Variants in AMPH observed in about 807,000 individuals in gnomAD.
AMPH encodes amphiphysin.
In AMPH, 49 loss-of-function variants were observed where a neutral mutation model predicts 99.1. The ratio of observed to expected loss-of-function variants is 0.49; its 90% CI spans 0.39 to 0.63. The LOEUF (loss-of-function observed/expected upper bound fraction) is 0.63, where lower values mean the gene tolerates loss of function less well. Ranked by LOEUF, AMPH falls within the 20% of genes least tolerant of loss-of-function variation. AMPH has a pLI of 0.00. For missense variants in AMPH, 759 were observed against 863.4 expected, an observed-to-expected ratio of 0.88 and a Z score of 1.52; for synonymous variants, 314 against 317.3, an observed-to-expected ratio of 0.99 and a Z score of 0.11.
Position 38,384,739 on chromosome 7 carries a change from T to C in AMPH, c.*79A>G. The C allele has an allele frequency of 8.4e-7, 1 of 1,191,132 alleles. No homozygotes were observed. Among genetic ancestry groups the C allele is most frequent in the Non-Finnish European group, 1.2e-6 (1 of 802,478 alleles). 73.8% of individuals were successfully genotyped at this position (1,191,132 alleles called of 1,614,324 possible). On this transcript the variant is annotated 3_prime_UTR_variant, in exon 21 of 21. Coordinates refer to ENST00000356264, the MANE Select transcript of AMPH (RefSeq NM_001635.4). ...AGTCTGTAAATCATTAAGAGCATAATAACAAAAGTGAACTCTTCAGGTTTT... is the reference window on the plus strand; with the variant it reads ...AGTCTGTAAATCATTAAGAGCATAACAACAAAAGTGAACTCTTCAGGTTTT...
At chr7:38,620,813 CAGAT>C (rs1330587923) in intron 1 of AMPH, among the ~76,000 whole-genome samples, 1 of 151,224 alleles carries the variant, frequency 6.6e-6, no homozygotes, top group African/African-American at 2.5e-5. Context: ...TTTTGGATGA[CAGAT>C]AGTTCAGAGG....
chr7:38,465,873 T>C (rs1584127950), intron 8 of AMPH, among the ~76,000 whole-genome samples: 2 of 152,200 alleles, frequency 1.3e-5, no homozygotes, highest in South Asian at 4.1e-4. Flanking sequence ...GAGTTGATTA[T>C]CTAAATACTT....
In AMPH at chr7:38,559,242, C is replaced by T. The variant is rs146732018; in HGVS notation, c.70-24231G>A. Among the ~76,000 whole-genome samples the T allele has an allele frequency of 2.7e-3, 410 of 152,366 alleles. 6 individuals carry two copies. Among genetic ancestry groups the T allele is most frequent in the African/African-American group, 9.1e-3 (379 of 41,584 alleles). The stretch of plus-strand genomic sequence containing the variant: ...CAGTTACCCAGCCGTATTACTTCAG[C>T]TTCTCTCCTGATTATGGCAACAGCA... On this transcript the variant is annotated intron_variant, in intron 1 of 20. Transcript: ENST00000356264.
chr7:38,575,030 G>T (rs1304092506), intron 1 of AMPH, among the ~76,000 whole-genome samples: 1 of 141,992 alleles, frequency 7.0e-6, no homozygotes, highest in African/African-American at 2.7e-5. Context: ...CTCCAGCCTG[G>T]TGACAGACCG....
intron 11 of AMPH, among the ~76,000 whole-genome samples, chr7:38,438,119 T>C (rs1332723052): frequency 2.0e-5 from 3 of 152,368 alleles, no homozygotes; most frequent in Admixed American, 6.5e-5. Context: ...TTTTAAAATG[T>C]AGTAAACATA....
intron 10 of AMPH, 50 bp downstream of exon 10, chr7:38,462,925 C>G (rs746160588): frequency 1.3e-6 from 2 of 1,503,376 alleles, no homozygotes; most frequent in Non-Finnish European, 1.8e-6. Context: ...ATGGGGCCAC[C>G]TTCATCTCAT....
rs1793619135 is a variant in AMPH, at chr7:38,610,340, AAAGAAAAG to A, written c.69+20935_69+20942del. 1.2e-4 allele frequency among the ~76,000 whole-genome samples: 6 copies of A among 50,270 alleles called. No homozygotes were observed. In the East Asian group the frequency reaches 1.2e-3, roughly 10 times the overall value. The allele number at this position is 50,270 out of a possible 152,430, so 33.0% of individuals were successfully genotyped here. ...AGAAAAGAAAAGAAAAGAAAAAAGA[AAAGAAAAG>A]AAAAGAAAAGAAAAGAAAAGAAAAG... On this transcript the variant is annotated intron_variant, in intron 1 of 20. Transcript: ENST00000356264.
At chr7:38,612,375 CTG>C (rs1793718989) in intron 1 of AMPH, among the ~76,000 whole-genome samples, 1 of 152,040 alleles carries the variant, frequency 6.6e-6, no homozygotes, top group Non-Finnish European at 1.5e-5. Context: ...CGCACCCGGC[CTG>C]TTTTTGTCTT....
At chr7:38,628,447 C>T (rs1181152596) in intron 1 of AMPH, among the ~76,000 whole-genome samples, 4 of 152,160 alleles carry the variant, frequency 2.6e-5, no homozygotes, top group Non-Finnish European at 5.9e-5. Flanking sequence ...ATTCTCCCTA[C>T]AAATTTGCTC....
At chr7:38,454,273 T>A (rs1452579123) in intron 11 of AMPH, among the ~76,000 whole-genome samples, 2 of 152,210 alleles carry the variant, frequency 1.3e-5, no homozygotes, top group Non-Finnish European at 2.9e-5. Context: ...CCTATTATTA[T>A]CAATACACCA....
At chr7:38,606,675 C>T (rs1793447274) in intron 1 of AMPH, among the ~76,000 whole-genome samples, 2 of 150,224 alleles carry the variant, frequency 1.3e-5, no homozygotes, top group African/African-American at 4.9e-5. Flanking sequence ...TAGGCTGAAG[C>T]CATCCTCCTG....
At chr7:38,511,949 T>C (rs1789558870) in intron 2 of AMPH, among the ~76,000 whole-genome samples, 1 of 152,198 alleles carries the variant, frequency 6.6e-6, no homozygotes, top group Admixed American at 6.5e-5. Context: ...ATAGAACGAC[T>C]CTTTAGAGAC....
intron 15 of AMPH, among the ~76,000 whole-genome samples, chr7:38,426,539 A>G (rs914428168): frequency 6.6e-6 from 1 of 152,220 alleles, no homozygotes; most frequent in African/African-American, 2.4e-5. Flanking sequence ...CACATTTTCT[A>G]AAGATCCATC....
intron 17 of AMPH, among the ~76,000 whole-genome samples, chr7:38,402,955 G>GA (rs1784883639): frequency 6.6e-6 from 1 of 152,124 alleles, no homozygotes; most frequent in South Asian, 2.1e-4. Context: ...TTTTTTGAGT[G>GA]ATTTTTAAGT....
intron 1 of AMPH, among the ~76,000 whole-genome samples, chr7:38,589,798 A>G (rs1792789840): frequency 6.6e-6 from 1 of 152,238 alleles, no homozygotes; most frequent in Non-Finnish European, 1.5e-5. Context: ...AATCAATGCC[A>G]GTTTTATATG....
At chr7:38,561,284 T>C (rs867944660) in intron 1 of AMPH, among the ~76,000 whole-genome samples, 1 of 152,184 alleles carries the variant, frequency 6.6e-6, no homozygotes, top group African/African-American at 2.4e-5. Flanking sequence ...TGTTTAATAG[T>C]TATCAACATT....
chr7:38,436,895 A>G (rs1338403085), intron 11 of AMPH, among the ~76,000 whole-genome samples: 1 of 152,040 alleles, frequency 6.6e-6, no homozygotes, highest in African/African-American at 2.4e-5. Flanking sequence ...CCTCACTGGT[A>G]CCCTACCCCT....
rs1236581589 is a variant in AMPH at position 38,465,410 on chromosome 7, A to C, written c.749+57T>G. ...TAAAATAGTACAGGCTGGTCCACAG[A>C]TTGAAGAAATTTTAGCAAGCAGGAC... On this transcript the variant is annotated intron_variant, in intron 9 of 20. Transcript: ENST00000356264. The C allele has an allele frequency of 7.5e-6, 11 of 1,466,886 alleles. No homozygotes were observed. In the East Asian group the frequency reaches 2.7e-4, roughly 36 times the overall value. 90.9% of individuals were successfully genotyped at this position (1,466,886 alleles called of 1,614,324 possible).
At chr7:38,456,188 C>T (rs901540301) in intron 11 of AMPH, among the ~76,000 whole-genome samples, 1 of 152,170 alleles carries the variant, frequency 6.6e-6, no homozygotes, top group Non-Finnish European at 1.5e-5. Flanking sequence ...GGACAAATCC[C>T]ACTGCTGCTG....
Sources: gnomAD v4.1 joint callset for allele counts (sites outside exome capture counted in the v4.1 genomes callset) on GRCh38, gnomAD v4.1.1 for gene constraint, MANE v1.5 for transcripts, NCBI Gene and HGNC (gene_info 2026-07-23, HGNC 2026-07-21) for gene names.